The following NCKAP5 variants were observed in gnomAD, a reference collection of about 807,000 sequenced individuals.
NCKAP5 encodes nck-associated protein 5.
NCKAP5 carries 92 observed loss-of-function variants against 167.0 expected under a neutral mutation model. The observed-to-expected ratio is 0.55, with a 90% confidence interval of 0.47 to 0.66. NCKAP5 has a LOEUF of 0.66. Among genes scored for constraint, NCKAP5 ranks in the 30% least tolerant of loss-of-function variants. The pLI, the probability that NCKAP5 is intolerant of heterozygous loss-of-function variation, is 0.00. For missense variants in NCKAP5, 2,378 were observed against 2,315.0 expected, an observed-to-expected ratio of 1.03 and a Z score of -0.56; for synonymous variants, 891 against 877.4, an observed-to-expected ratio of 1.02 and a Z score of -0.27.
intron 3 of NCKAP5, among the ~76,000 whole-genome samples, chr2:133,433,167 T>G (rs1423511608): frequency 6.6e-6 from 1 of 152,180 alleles, no homozygotes; most frequent in Non-Finnish European, 1.5e-5. Flanking sequence ...TACCTAAATA[T>G]CTGTTATAAA....
At chr2:133,670,405 A>G in the NCKAP5 span, among the ~76,000 whole-genome samples, 2 of 152,242 alleles carry the variant, frequency 1.3e-5, no homozygotes, top group Non-Finnish European at 2.9e-5. Context: ...TATTGCCTAT[A>G]AGTAGTCTCC....
chr2:133,287,354 T>C (rs773170804), intron 4 of NCKAP5, among the ~76,000 whole-genome samples: 1 of 152,200 alleles, frequency 6.6e-6, no homozygotes, highest in Non-Finnish European at 1.5e-5. Context: ...CATCCATATT[T>C]CTATTTCCAA....
intron 3 of NCKAP5, among the ~76,000 whole-genome samples, chr2:133,372,812 G>A (rs915791360): frequency 2.6e-5 from 4 of 152,066 alleles, no homozygotes; most frequent in African/African-American, 9.7e-5. Flanking sequence ...CAAACCTACT[G>A]CAGTCACTGT....
chr2:132,863,648 C>T (rs116719006), intron 10 of NCKAP5, among the ~76,000 whole-genome samples: 1 of 152,140 alleles, frequency 6.6e-6, no homozygotes, highest in Non-Finnish European at 1.5e-5. Flanking sequence ...CAGCACACAG[C>T]AGCAGGGAAG....
intron 3 of NCKAP5, among the ~76,000 whole-genome samples, chr2:133,466,574 G>T (rs1692607553): frequency 6.6e-6 from 1 of 152,050 alleles, no homozygotes; most frequent in Non-Finnish European, 1.5e-5. Flanking sequence ...GATGGGGATG[G>T]CATTGAATCT....
At chr2:133,063,990 C>T (rs537594606) in intron 6 of NCKAP5, among the ~76,000 whole-genome samples, 1 of 152,280 alleles carries the variant, frequency 6.6e-6, no homozygotes, top group East Asian at 1.9e-4. Flanking sequence ...TGCAACCCTC[C>T]AAAACATCGT....
At chr2:132,945,264 A>C (rs1697615459) in intron 8 of NCKAP5, among the ~76,000 whole-genome samples, 1 of 149,346 alleles carries the variant, frequency 6.7e-6, no homozygotes, top group South Asian at 2.1e-4. Flanking sequence ...ATACTGGGGG[A>C]TCCCACCTGC....
rs149076666 is a variant in NCKAP5 at position 133,253,760 on chromosome 2, G to T, written c.144-39981C>A. Among the ~76,000 whole-genome samples, 4 of 152,308 alleles carry T rather than the reference G, an allele frequency of 2.6e-5. No individual in the cohort carries two copies. The East Asian group carries it at 5.8e-4, about 22-fold the overall frequency. ...AATGTGTATTTTAGTGAGAAAAAAA[G>T]GGAAAATATATGTAAAAGTGCTTTA... On this transcript the variant is annotated intron_variant, in intron 4 of 19. Transcript: ENST00000409261.
intron 12 of NCKAP5, among the ~76,000 whole-genome samples, chr2:132,795,348 C>T (rs1311581710): frequency 1.3e-5 from 2 of 152,176 alleles, no homozygotes; most frequent in African/African-American, 4.8e-5. Flanking sequence ...GCTTCTATTG[C>T]AACATTATCT....
intron 8 of NCKAP5, among the ~76,000 whole-genome samples, chr2:132,940,919 T>C (rs1395727784): frequency 1.3e-5 from 2 of 152,028 alleles, no homozygotes; most frequent in Non-Finnish European, 2.9e-5. Flanking sequence ...TTTATACTGA[T>C]ACATATATTT....
intron 4 of NCKAP5, among the ~76,000 whole-genome samples, chr2:133,261,468 T>C (rs556998668): frequency 9.8e-5 from 15 of 152,302 alleles, no homozygotes; most frequent in South Asian, 4.1e-4. Flanking sequence ...TCCAAAGATA[T>C]AGTATGTTTC....
chr2:133,010,471 C>A (rs569216832), intron 6 of NCKAP5, among the ~76,000 whole-genome samples: 40 of 152,302 alleles, frequency 2.6e-4, no homozygotes, highest in African/African-American at 9.1e-4. Flanking sequence ...TAATGCTCCT[C>A]CAATGTGTAC....
intron 5 of NCKAP5, among the ~76,000 whole-genome samples, chr2:133,164,878 G>A (rs2083937340): frequency 6.6e-6 from 1 of 152,224 alleles, no homozygotes; most frequent in South Asian, 2.1e-4. Context: ...GTATTTGGAT[G>A]CCTGAAGAGA....
chr2:133,002,291 T>C lies in NCKAP5; in HGVS notation c.342-8052A>G, dbSNP rs943841028. Among the ~76,000 whole-genome samples, 4 of 152,196 alleles carry C rather than the reference T, an allele frequency of 2.6e-5. No individual in the cohort carries two copies. The East Asian group carries it at 7.7e-4, about 29-fold the overall frequency. ...TACAAAGCTCTATGTATACTTTCCT[T>C]TTCCTGTACATGCATGTCTATGATA... On this transcript the variant is annotated intron_variant, in intron 6 of 19. Coordinates refer to ENST00000409261, the MANE Select transcript of NCKAP5 (RefSeq NM_207363.3).
the NCKAP5 span, among the ~76,000 whole-genome samples, chr2:133,662,063 T>C: frequency 6.6e-6 from 1 of 152,196 alleles, no homozygotes; most frequent in African/African-American, 2.4e-5. Flanking sequence ...TCTGAAGCTG[T>C]CTCCTTATCT....
chr2:133,107,447 G>T (rs2149703412), intron 6 of NCKAP5, among the ~76,000 whole-genome samples: 1 of 152,340 alleles, frequency 6.6e-6, no homozygotes, highest in Non-Finnish European at 1.5e-5. Flanking sequence ...AAGGAGACTT[G>T]CAATAAAACT....
chr2:132,885,276 T>G (rs911457444), intron 8 of NCKAP5, among the ~76,000 whole-genome samples: 1 of 151,746 alleles, frequency 6.6e-6, no homozygotes, highest in Non-Finnish European at 1.5e-5. Flanking sequence ...ATAGCAGGAA[T>G]GGGAAAGGAT....
intron 8 of NCKAP5, among the ~76,000 whole-genome samples, chr2:132,914,412 T>C (rs1361741665): frequency 1.3e-5 from 2 of 152,048 alleles, no homozygotes; most frequent in African/African-American, 4.8e-5. Flanking sequence ...GTGTAAAATA[T>C]AAGCAAGATA....
chr2:133,123,231 T>C (rs185781221), intron 6 of NCKAP5: 1 of 152,326 alleles, frequency 6.6e-6, no homozygotes, highest in East Asian at 1.9e-4. Flanking sequence ...TACAAAACAA[T>C]AAAGTAATGT....
Sources: allele counts gnomAD v4.1 joint callset (sites outside exome capture counted in the v4.1 genomes callset), GRCh38; gene constraint gnomAD v4.1.1; transcripts MANE v1.5; gene names NCBI Gene and HGNC (gene_info 2026-07-23, HGNC 2026-07-21).